The following CLASP2 variants were observed in gnomAD, a reference collection of about 807,000 sequenced individuals.
CLASP2 encodes the protein cytoplasmic linker associated protein 2, also known as CLIP-associating protein 2.
CLASP2 carries 47 observed loss-of-function variants against 194.4 expected under a neutral mutation model. The ratio of observed to expected loss-of-function variants is 0.24; its 90% CI spans 0.19 to 0.31. The LOEUF is 0.31. Ranked by LOEUF, CLASP2 falls within the 10% of genes least tolerant of loss-of-function variation. The probability of loss-of-function intolerance (pLI) is 1.00; values close to 1 mark genes in which losing one functional copy is unlikely to be tolerated. For synonymous variants in CLASP2, 619 were observed against 633.5 expected (o/e 0.98, Z 0.34); for missense variants, 1,445 against 1,823.6 (o/e 0.79, Z 3.78).
intron 24 of CLASP2, among the ~76,000 whole-genome samples, chr3:33,575,380 T>C (rs1226552731): frequency 1.3e-5 from 2 of 152,238 alleles, no homozygotes; most frequent in South Asian, 4.1e-4. Context: ...CTAGTTAAGA[T>C]GGGATCTATG....
chr3:33,595,045 C>A (rs2069875142), intron 19 of CLASP2, 77 bp from the exon 20 acceptor site: 1 of 801,044 alleles, frequency 1.2e-6, no homozygotes, highest in East Asian at 3.1e-5. Context: ...CAGTCCCCAC[C>A]CAACACTACA....
chr3:33,529,909 C>T (rs1485115697), intron 34 of CLASP2, among the ~76,000 whole-genome samples: 17 of 130,574 alleles, frequency 1.3e-4, no homozygotes, highest in Non-Finnish European at 1.6e-5. Context: ...ACCCGGGAGG[C>T]GGAGCTTGCA....
chr3:33,717,848 ACTGT>A lies in CLASP2; in HGVS notation c.151_154del (p.Thr51SerfsTer17). 1.3e-6 allele frequency: 2 copies of A among 1,565,150 alleles called. No homozygotes were observed. Among genetic ancestry groups the A allele is most frequent in the Non-Finnish European group, 1.7e-6 (2 of 1,155,496 alleles). On this transcript the variant is annotated frameshift_variant, in exon 1 of 39. Coordinates refer to ENST00000682230, the MANE Select transcript of CLASP2 (RefSeq NM_001365631.1). LOFTEE classifies it high-confidence loss of function. ...ACCCACCCAGCCGGTGAGCGCGTCG[ACTGT>A]CTTGCCTAGGCGGCCCAGGTCCTCC...
At chr3:33,712,831 G>A (rs934009303) in intron 1 of CLASP2, among the ~76,000 whole-genome samples, 1 of 151,670 alleles carries the variant, frequency 6.6e-6, no homozygotes, top group East Asian at 1.9e-4. Flanking sequence ...GCATGGTGGT[G>A]CGTGCCTGTA....
chr3:33,667,460 A>C (rs1332561318), intron 6 of CLASP2, among the ~76,000 whole-genome samples: 1 of 148,910 alleles, frequency 6.7e-6, no homozygotes, highest in Non-Finnish European at 1.5e-5. Flanking sequence ...TACTCCCATA[A>C]TATGAGTTTT....
At chr3:33,584,726 AT>A (rs2066975736) in intron 22 of CLASP2, 23 bp downstream of exon 22, 3 of 1,523,814 alleles carry the variant, frequency 2.0e-6, no homozygotes, top group Non-Finnish European at 2.6e-6. Flanking sequence ...CATGTCTCAC[AT>A]AAAAAAAAAA....
At chr3:33,623,290 G>A (rs2154281530) in intron 10 of CLASP2, among the ~76,000 whole-genome samples, 1 of 152,106 alleles carries the variant, frequency 6.6e-6, no homozygotes, top group Admixed American at 6.5e-5. Context: ...CACTCTTTTA[G>A]TTATTTTGAA....
intron 6 of CLASP2, among the ~76,000 whole-genome samples, chr3:33,681,437 G>A (rs186638169): frequency 5.2e-5 from 7 of 134,570 alleles, no homozygotes; most frequent in East Asian, 2.5e-4. Context: ...ATCACCACCC[G>A]TAAAGTCGCC....
chr3:33,521,051 G>T (rs996043623), intron 34 of CLASP2, among the ~76,000 whole-genome samples: 11 of 152,108 alleles, frequency 7.2e-5, no homozygotes, highest in Non-Finnish European at 1.5e-4. Context: ...TGCAAGGATG[G>T]GGACATGTTA....
intron 19 of CLASP2, among the ~76,000 whole-genome samples, chr3:33,596,429 A>G (rs1233175324): frequency 6.6e-6 from 1 of 152,136 alleles, no homozygotes; most frequent in African/African-American, 2.4e-5. Context: ...TAACGAATCG[A>G]GAATATTCAG....
chr3:33,675,455 C>T lies in CLASP2; in HGVS notation c.644+8904G>A, dbSNP rs1360496826. Among the ~76,000 whole-genome samples, 562 of 150,234 alleles carry T rather than the reference C, an allele frequency of 3.7e-3. 2 individuals are homozygous for T. Among genetic ancestry groups the T allele is most frequent in the African/African-American group, 0.013 (534 of 41,124 alleles). ...CATATCTCAAAATAATAAGAGCTAT[C>T]TATGACAAACCCACAGCCAATATCA... is the stretch of plus-strand genomic sequence containing the variant. On this transcript the variant is annotated intron_variant, in intron 6 of 38. Transcript: ENST00000682230.
intron 27 of CLASP2, among the ~76,000 whole-genome samples, chr3:33,564,604 C>T (rs2062351406): frequency 6.6e-6 from 1 of 152,036 alleles, no homozygotes; most frequent in Admixed American, 6.6e-5. Context: ...TTTGTTATCA[C>T]TTTTGAGACA....
intron 20 of CLASP2, chr3:33,592,707 G>T (rs749807624): frequency 3.3e-6 from 2 of 607,236 alleles, no homozygotes; most frequent in Admixed American, 2.6e-5. Flanking sequence ...AGGATAAGAA[G>T]AATCAAACTA....
intron 16 of CLASP2, 41 bp downstream of exon 16, chr3:33,606,547 TGAG>T: frequency 6.6e-7 from 1 of 1,509,788 alleles, no homozygotes; most frequent in Admixed American, 1.8e-5. Flanking sequence ...TTCAGGGAGT[TGAG>T]GAGAGGAAGA....
rs1345965726 is a variant in CLASP2, at chr3:33,677,260, T to A, written c.644+7099A>T. Among the ~76,000 whole-genome samples the A allele has an allele frequency of 4.6e-5, 7 of 152,156 alleles. No individual in the cohort carries two copies. The East Asian group carries it at 1.4e-3, about 29-fold the overall frequency. ...CTATAAAGACACATGCACATTTATGTTTATTGCGGCATTATTCACAATAGC... is the reference window on the plus strand; with the variant it reads ...CTATAAAGACACATGCACATTTATGATTATTGCGGCATTATTCACAATAGC... On this transcript the variant is annotated intron_variant, in intron 6 of 38. Coordinates refer to ENST00000682230, the MANE Select transcript of CLASP2 (RefSeq NM_001365631.1).
chr3:33,688,705 A>G (rs572740915), intron 3 of CLASP2, among the ~76,000 whole-genome samples: 2 of 152,230 alleles, frequency 1.3e-5, no homozygotes, highest in East Asian at 1.9e-4. Flanking sequence ...CAATGCTGCC[A>G]TTATAAGTCC....
chr3:33,523,096 C>T (rs1174746941), intron 34 of CLASP2, among the ~76,000 whole-genome samples: 11 of 151,960 alleles, frequency 7.2e-5, no homozygotes, highest in Non-Finnish European at 1.6e-4. Flanking sequence ...AACAAACAAA[C>T]AAACAAATTC....
rs984789994 is a variant in CLASP2 at position 33,687,224 on chromosome 3, A to G, written c.471-89T>C. The G allele has an allele frequency of 7.8e-6, 6 of 767,464 alleles. No homozygotes were observed. The Admixed American group carries it at 8.4e-5, about 11-fold the overall frequency. 47.5% of individuals were successfully genotyped at this position (767,464 alleles called of 1,614,324 possible). ...CTTATACCTTCTTGTCTGTAGCAAT[A>G]TAACAAATATAGTGGACAGGATGGG... is the stretch of plus-strand genomic sequence containing the variant. On this transcript the variant is annotated intron_variant, in intron 4 of 38. Transcript: ENST00000682230.
chr3:33,715,561 A>G (rs2093252367), intron 1 of CLASP2, among the ~76,000 whole-genome samples: 2 of 152,106 alleles, frequency 1.3e-5, no homozygotes, highest in African/African-American at 4.8e-5. Flanking sequence ...GTTCCTGATA[A>G]TAATAGGTCA....
Sources: allele counts gnomAD v4.1 joint callset (sites outside exome capture counted in the v4.1 genomes callset), GRCh38; gene constraint gnomAD v4.1.1; transcripts MANE v1.5; gene names NCBI Gene and HGNC (gene_info 2026-07-23, HGNC 2026-07-21).